PGM5: variants seen among roughly 807,000 people sequenced by gnomAD.
PGM5 encodes the protein phosphoglucomutase 5, also known as phosphoglucomutase-like protein 5.
Under a neutral mutation model 59.2 loss-of-function variants are expected in PGM5, and 23 were observed. The observed-to-expected ratio is 0.39, with a 90% CI of 0.28 to 0.55. The LOEUF (loss-of-function observed/expected upper bound fraction) is 0.55, where lower values mean the gene tolerates loss of function less well. PGM5 is among the 20% of genes least tolerant of loss of function. The pLI, the probability that PGM5 is intolerant of heterozygous loss-of-function variation, is 0.66. For missense variants in PGM5, 574 were observed against 748.3 expected (o/e 0.77, Z 2.72); for synonymous variants, 214 against 286.0 (o/e 0.75, Z 2.54).
At chr9:68,465,021 T>G in intron 6 of PGM5, 72 bp from the exon 7 acceptor site, 2 of 919,182 alleles carry the variant, frequency 2.2e-6, no homozygotes, top group South Asian at 1.5e-5. Flanking sequence ...CCTAAAGACT[T>G]CCTACTGTGC....
At chr9:68,413,893 A>G (rs868966748) in intron 6 of PGM5, among the ~76,000 whole-genome samples, 1 of 152,212 alleles carries the variant, frequency 6.6e-6, no homozygotes, top group East Asian at 1.9e-4. Flanking sequence ...GCTATATGCT[A>G]TGGTTTGGGT....
intron 6 of PGM5, among the ~76,000 whole-genome samples, chr9:68,447,846 T>A (rs1256560188): frequency 1.3e-5 from 2 of 152,232 alleles, no homozygotes; most frequent in African/African-American, 4.8e-5. Context: ...CCCGGCCACT[T>A]ACCAGTTCAT....
chr9:68,485,047 A>G (rs1346481588), intron 9 of PGM5, among the ~76,000 whole-genome samples: 9 of 152,200 alleles, frequency 5.9e-5, no homozygotes, highest in African/African-American at 1.2e-4. Flanking sequence ...CTTCAAGGGA[A>G]TGGTCTAATC....
intron 4 of PGM5, among the ~76,000 whole-genome samples, chr9:68,389,754 A>G (rs1554679291): frequency 1.3e-5 from 2 of 152,060 alleles, no homozygotes; most frequent in African/African-American, 4.8e-5. Context: ...TCTTGGGTAA[A>G]CAGCTAGGAA....
At chr9:68,520,809 C>T (rs902110616) in intron 10 of PGM5, among the ~76,000 whole-genome samples, 3 of 152,112 alleles carry the variant, frequency 2.0e-5, no homozygotes, top group Non-Finnish European at 4.4e-5. Context: ...CAAGGGAGAA[C>T]GACTTGATGG....
chr9:68,368,337 A>T (rs558711745), intron 1 of PGM5, among the ~76,000 whole-genome samples: 4 of 151,530 alleles, frequency 2.6e-5, no homozygotes, highest in African/African-American at 9.7e-5. Context: ...TCTACCTTGT[A>T]AGAACAGCTT....
intron 6 of PGM5, among the ~76,000 whole-genome samples, chr9:68,456,319 G>A (rs1443930706): frequency 3.3e-5 from 5 of 150,602 alleles, no homozygotes; most frequent in African/African-American, 1.2e-4. Flanking sequence ...GGGGTGGGGG[G>A]GTGGCAGGAG....
chr9:68,492,917 G>A (rs150299986), intron 9 of PGM5, among the ~76,000 whole-genome samples: 2 of 152,130 alleles, frequency 1.3e-5, no homozygotes, highest in Non-Finnish European at 2.9e-5. Flanking sequence ...TCACCTTGAC[G>A]CTTTCCAGAT....
chr9:68,477,928 G>A (rs1419826019), intron 7 of PGM5, among the ~76,000 whole-genome samples: 1 of 152,210 alleles, frequency 6.6e-6, no homozygotes, highest in African/African-American at 2.4e-5. Context: ...ACTTGATTAA[G>A]TTGATACAAC....
chr9:68,479,525 G>A lies in PGM5; in HGVS notation c.1267G>A (p.Ala423Thr), dbSNP rs782335049. The change falls in exon 8 of 11, where the codon GCC (alanine) becomes ACC (threonine). Residue 423 changes from alanine (A) to threonine (T), a missense_variant. Around this residue, in one of 7 missense-constraint regions of PGM5, gnomAD observed 300 missense variants for 280.0 expected, o/e 1.07. Transcript: ENST00000396396. ...GGAGGAAATTGTCCGAGATCACTGG[G>A]CCAAATTTGGCCGCCACTACTATTG... ...SVEEIVRDHW[A>T]KFGRHYYCRF... The A allele has an allele frequency of 1.9e-6, 3 of 1,613,972 alleles. No homozygotes were observed. Among genetic ancestry groups the A allele is most frequent in the African/African-American group, 1.3e-5 (1 of 74,906 alleles).
At chr9:68,408,106 C>A (rs139459881) in intron 6 of PGM5, among the ~76,000 whole-genome samples, 16 of 152,222 alleles carry the variant, frequency 1.1e-4, no homozygotes, top group Non-Finnish European at 1.3e-4. Context: ...GACATTTCCC[C>A]CCAGATGGGG....
chr9:68,476,705 A>G (rs1784268633), intron 7 of PGM5, among the ~76,000 whole-genome samples: 1 of 152,256 alleles, frequency 6.6e-6, no homozygotes, highest in Non-Finnish European at 1.5e-5. Flanking sequence ...TCAGCCCCTT[A>G]TTAATCTTGG....
chr9:68,432,659 G>T (rs1823373915), intron 6 of PGM5, among the ~76,000 whole-genome samples: 1 of 151,828 alleles, frequency 6.6e-6, no homozygotes, highest in South Asian at 2.1e-4. Context: ...AGGCTGGAGG[G>T]CAGTGGTGCA....
chr9:68,396,371 G>A (rs1452169420), intron 6 of PGM5: 1 of 152,204 alleles, frequency 6.6e-6, no homozygotes, highest in African/African-American at 2.4e-5. Context: ...TGATAAACCA[G>A]TTGAGAATAT....
At chr9:68,478,553 G>A (rs1554686850) in intron 7 of PGM5, among the ~76,000 whole-genome samples, 2 of 152,304 alleles carry the variant, frequency 1.3e-5, no homozygotes, top group East Asian at 3.9e-4. Context: ...GAGGCCAGAA[G>A]TCTAAAACCA....
intron 6 of PGM5, among the ~76,000 whole-genome samples, chr9:68,456,253 A>G (rs1273977931): frequency 6.7e-6 from 1 of 149,364 alleles, no homozygotes; most frequent in African/African-American, 2.5e-5. Flanking sequence ...CTGTTTTCCC[A>G]TGATACTTCA....
rs536599393 is a variant in PGM5, at chr9:68,514,160, A to G, written c.1614+14799A>G. ...CAAGCTCCTCAGGTGATTCATGTGC[A>G]CATTAAAGTTTGAGAAGTCCTAATG... On this transcript the variant is annotated intron_variant, in intron 10 of 10. Transcript: ENST00000396396. Among the ~76,000 whole-genome samples, 9 of 152,332 alleles carry G rather than the reference A, an allele frequency of 5.9e-5. No individual in the cohort carries two copies. In the East Asian group the frequency reaches 1.3e-3, roughly 23 times the overall value.
chr9:68,393,089 C>T (rs1822408086), intron 6 of PGM5, among the ~76,000 whole-genome samples: 1 of 151,872 alleles, frequency 6.6e-6, no homozygotes, highest in African/African-American at 2.4e-5. Flanking sequence ...TTGCTCTATC[C>T]ATCCCTCTTG....
intron 6 of PGM5, among the ~76,000 whole-genome samples, chr9:68,403,077 A>G (rs542588192): frequency 6.6e-6 from 1 of 152,334 alleles, no homozygotes; most frequent in Non-Finnish European, 1.5e-5. Context: ...AGTGAACTCT[A>G]TTACAGCAGA....
Sources: gnomAD v4.1 joint callset for allele counts (sites outside exome capture counted in the v4.1 genomes callset) on GRCh38, gnomAD v4.1.1 for gene constraint, gnomAD v4.1.1 regional missense constraint, MANE v1.5 for transcripts, NCBI Gene and HGNC (gene_info 2026-07-23, HGNC 2026-07-21) for gene names.